CEP131: variants seen among roughly 807,000 people sequenced by gnomAD.
CEP131 encodes the protein centrosomal protein 131, also known as centrosomal protein of 131 kDa.
CEP131 carries 99 observed loss-of-function variants against 136.8 expected under a neutral mutation model. The observed-to-expected ratio is 0.72, with a 90% CI of 0.62 to 0.86. The LOEUF (loss-of-function observed/expected upper bound fraction) is 0.86. CEP131 is among the 40% of genes least tolerant of loss of function. The probability of loss-of-function intolerance (pLI) is 0.00; values close to 1 mark genes in which losing one functional copy is unlikely to be tolerated. For synonymous variants in CEP131, 646 were observed against 612.7 expected (o/e 1.05, Z -0.80); for missense variants, 1,459 against 1,463.0 (o/e 1.00, Z 0.04).
rs1360310750 is a variant in CEP131, at chr17:81,197,805, C to T, written c.1554G>A (p.Gly518=). 1 of 1,613,214 alleles carries T rather than the reference C, an allele frequency of 6.2e-7. No homozygotes were observed. Among genetic ancestry groups the T allele is most frequent in the African/African-American group, 1.3e-5 (1 of 74,938 alleles). Residue 518 remains glycine, a synonymous_variant, in exon 13 of 26, where the codon GGG becomes GGA. Transcript: ENST00000450824. ...GTAGCTTGGCCTCCGATAGCAGCGT[C>T]CCATCCTCAGGAGGTTCGGGGAACG... is the stretch of plus-strand genomic sequence containing the variant. ...LSAFPEPPED[G]TLLSEAKLQS...
chr17:81,217,273 C>T (rs2062268100), intron 2 of CEP131, among the ~76,000 whole-genome samples: 1 of 152,124 alleles, frequency 6.6e-6, no homozygotes, highest in Non-Finnish European at 1.5e-5. Context: ...ACTGCAGTTA[C>T]ATCCTGGATG....
intron 16 of CEP131, 38 bp downstream of exon 16, chr17:81,195,797 G>A (rs770801289): frequency 6.2e-5 from 97 of 1,561,062 alleles, no homozygotes; most frequent in South Asian, 2.3e-4. Context: ...CCTGTGAGCC[G>A]GGCTTGGGAC....
In CEP131 at chr17:81,200,350, G is replaced by A. The variant is rs2061862910; in HGVS notation, c.885C>T (p.His295=). The change falls in exon 8 of 26, where the codon CAC becomes CAT. Residue 295 remains histidine, a synonymous_variant. Transcript: ENST00000450824. ...TGACCTCCCGCTTGGCCTGAAGCAA[G>A]TGCTCCAGGCGGGCAGCTCCTGCTC... The part of the protein sequence containing the change: ...RRGAGAARLE[H]LLQAKREEQR... 1 of 1,596,842 alleles carries A rather than the reference G, an allele frequency of 6.3e-7. No individual in the cohort carries two copies. The highest frequency in any genetic ancestry group is 2.3e-5 in the East Asian group (1 of 43,934).
intron 1 of CEP131, among the ~76,000 whole-genome samples, chr17:81,222,077 T>C (rs2062400563): frequency 6.6e-6 from 1 of 152,206 alleles, no homozygotes; most frequent in South Asian, 2.1e-4. Flanking sequence ...TGTCCACCCC[T>C]GGCTGGACCC....
At chr17:81,217,775 C>T (rs992708371) in intron 2 of CEP131, among the ~76,000 whole-genome samples, 1 of 152,120 alleles carries the variant, frequency 6.6e-6, no homozygotes, top group African/African-American at 2.4e-5. Context: ...GGCAATGGTA[C>T]CAGCCGAGGA....
At chr17:81,220,154 C>G in intron 1 of CEP131, 81 bp from the exon 2 acceptor site, 1 of 1,215,828 alleles carries the variant, frequency 8.2e-7, no homozygotes, top group Non-Finnish European at 1.1e-6. Flanking sequence ...AGCCCAGCCT[C>G]AGCTGGGTCC....
In CEP131 at chr17:81,199,364, C is replaced by A. The variant is rs1241555584; in HGVS notation, c.1192+17G>T. 1 of 1,587,766 alleles carries A rather than the reference C, an allele frequency of 6.3e-7. No individual in the cohort carries two copies. The highest frequency in any genetic ancestry group is 1.8e-5 in the Admixed American group (1 of 56,852). Reference sequence around the variant, plus strand: ...AGTCCACCCCCCAGAGCAGGGCGGGCGTGGAGCCACTCTCACCAGTATTGT... The same window carrying A: ...AGTCCACCCCCCAGAGCAGGGCGGGAGTGGAGCCACTCTCACCAGTATTGT... On this transcript the variant is annotated intron_variant, in intron 10 of 25. Coordinates refer to ENST00000450824, the MANE Select transcript of CEP131 (RefSeq NM_014984.4).
intron 7 of CEP131, among the ~76,000 whole-genome samples, chr17:81,201,634 C>A (rs904094081): frequency 6.6e-6 from 1 of 152,152 alleles, no homozygotes; most frequent in African/African-American, 2.4e-5. Context: ...TGATTTTTAG[C>A]AAATCTAGAG....
At chr17:81,221,369 A>T (rs1264590504) in intron 1 of CEP131, among the ~76,000 whole-genome samples, 1 of 152,088 alleles carries the variant, frequency 6.6e-6, no homozygotes, top group Non-Finnish European at 1.5e-5. Flanking sequence ...CTCTTTCTGA[A>T]CGAGTCTTTC....
rs1171124239 is a variant in CEP131, at chr17:81,208,614, G to A, written c.272+314C>T. On this transcript the variant is annotated intron_variant, in intron 3 of 25. Transcript: ENST00000450824. This position sits in a 1 kb window ranked among gnomAD's most constrained non-coding sequence, Gnocchi z 5.6. ...GCCCCTCTCGCAAATGACAGCTTTT[G>A]ACATTCAGAGGGCAGGTGGAAAGGG... Among the ~76,000 whole-genome samples, 1 of 152,208 alleles carries A rather than the reference G, an allele frequency of 6.6e-6. No homozygotes were observed. Among genetic ancestry groups the A allele is most frequent in the Admixed American group, 6.5e-5 (1 of 15,280 alleles).
At position 81,196,776 on chromosome 17, in the gene CEP131, C is replaced by A; in HGVS notation, c.1824G>T (p.Ala608=). ...TARRVKETEK[A]LSRQLQRQRE... is the part of the protein sequence containing the mutation. ...TCTGCCGCTGCAGCTGCCGGCTCAG[C>A]GCCTTCTCTGTCTCCTTGACCCGCC... Residue 608 remains alanine, a synonymous_variant, in exon 15 of 26, where the codon GCG becomes GCT. Coordinates refer to ENST00000450824, the MANE Select transcript of CEP131 (RefSeq NM_014984.4). 1.3e-6 allele frequency: 2 copies of A among 1,587,102 alleles called. No homozygotes were observed. Among genetic ancestry groups the A allele is most frequent in the Admixed American group, 1.8e-5 (1 of 56,284 alleles).
chr17:81,190,033 C>T, intron 24 of CEP131, 58 bp from the exon 25 acceptor site: 1 of 1,501,762 alleles, frequency 6.7e-7, no homozygotes, highest in Non-Finnish European at 9.1e-7. Context: ...CCCAGAGTGG[C>T]CTGCAGTGCA....
At chr17:81,199,050 AG>A (rs1451714973) in intron 10 of CEP131, 79 bp from the exon 11 acceptor site, 1 of 1,349,910 alleles carries the variant, frequency 7.4e-7, no homozygotes, top group East Asian at 2.5e-5. Context: ...CCCGGGAAGG[AG>A]CCAGGCATGG....
Position 81,215,445 on chromosome 17 carries a change from G to A in CEP131, c.177+4435C>T, listed in dbSNP as rs143018903. 4.8e-3 allele frequency among the ~76,000 whole-genome samples: 720 copies of A among 151,368 alleles called. 7 individuals are homozygous for A. The highest frequency in any genetic ancestry group is 0.016 in the African/African-American group (674 of 41,234). Reference sequence around the variant, plus strand: ...TTAATTTTTTTTGAAATGGAGTCTCGCTGTCACCCAGGCTAGAGTGTGGTG... The same window carrying A: ...TTAATTTTTTTTGAAATGGAGTCTCACTGTCACCCAGGCTAGAGTGTGGTG... On this transcript the variant is annotated intron_variant, in intron 2 of 25. Transcript: ENST00000450824. The surrounding 1 kb of genome is among the most constrained non-coding windows in gnomAD (Gnocchi z 4.1).
At chr17:81,222,405 G>A (rs1048846805) in intron 1 of CEP131, among the ~76,000 whole-genome samples, 5 of 152,184 alleles carry the variant, frequency 3.3e-5, no homozygotes, top group African/African-American at 1.2e-4. Context: ...TTTTCCCCAG[G>A]GCTTAAGGCA....
chr17:81,190,228 C>T (rs1443356923), intron 24 of CEP131, among the ~76,000 whole-genome samples: 2 of 152,158 alleles, frequency 1.3e-5, no homozygotes, highest in African/African-American at 2.4e-5. Context: ...TGGGACACCT[C>T]GCCCACACCC....
At chr17:81,196,602 CAG>C in intron 15 of CEP131, 97 bp downstream of exon 15, 3 of 1,483,312 alleles carry the variant, frequency 2.0e-6, no homozygotes, top group Non-Finnish European at 2.7e-6. Context: ...TGACACCCAA[CAG>C]AGGAAGAAGC....
Position 81,215,410 on chromosome 17 carries a change from TTTTA to T in CEP131, c.177+4466_177+4469del, listed in dbSNP as rs1479070835. ...CCACTCCCGGCCCCCTTTCAAATTT[TTTTA>T]TTTATTTAATTTTTTTTGAAATGGA... is the stretch of plus-strand genomic sequence containing the variant. On this transcript the variant is annotated intron_variant, in intron 2 of 25. Transcript: ENST00000450824. The surrounding 1 kb of genome is among the most constrained non-coding windows in gnomAD (Gnocchi z 4.1). Among the ~76,000 whole-genome samples, 1 of 151,960 alleles carries T rather than the reference TTTTA, an allele frequency of 6.6e-6. No individual in the cohort carries two copies. The highest frequency in any genetic ancestry group is 2.4e-5 in the African/African-American group (1 of 41,348).
At chr17:81,193,606 G>A (rs540759460) in intron 18 of CEP131, among the ~76,000 whole-genome samples, 4 of 152,340 alleles carry the variant, frequency 2.6e-5, no homozygotes, top group Admixed American at 1.3e-4. Context: ...GCCTATCCAC[G>A]GGTTGCTGCT....
Sources: allele counts gnomAD v4.1 joint callset (sites outside exome capture counted in the v4.1 genomes callset), GRCh38; gene constraint gnomAD v4.1.1; non-coding constraint Gnocchi (gnomAD v3.1); transcripts MANE v1.5; gene names NCBI Gene and HGNC (gene_info 2026-07-23, HGNC 2026-07-21).